USP35: variants seen among roughly 807,000 people sequenced by gnomAD.
The protein encoded by USP35 is ubiquitin carboxyl-terminal hydrolase 35.
USP35 carries 69 observed loss-of-function variants against 83.8 expected under a neutral mutation model. That is an observed-to-expected ratio of 0.82 (90% CI 0.68 to 1.01). USP35 has a LOEUF of 1.01. USP35 is among the 50% of genes least tolerant of loss of function. USP35 has a pLI of 0.00. For missense variants in USP35, 1,503 were observed against 1,362.5 expected (o/e 1.10, Z -1.62); for synonymous variants, 714 against 589.5 (o/e 1.21, Z -3.06).
chr11:78,190,601 G>C (rs756877405), intron 1 of USP35, among the ~76,000 whole-genome samples: 1 of 152,232 alleles, frequency 6.6e-6, no homozygotes, highest in Non-Finnish European at 1.5e-5. Context: ...CCTCTGCCAA[G>C]GGAGGTCCCA....
chr11:78,206,879 G>A (rs1325179407), intron 7 of USP35, among the ~76,000 whole-genome samples: 1 of 151,330 alleles, frequency 6.6e-6, no homozygotes, highest in East Asian at 2.0e-4. Context: ...GTGTAGGGAG[G>A]GGAGCTATCT....
chr11:78,226,448 CT>C, the USP35 span: 1 of 1,590,870 alleles, frequency 6.3e-7, no homozygotes, highest in South Asian at 1.1e-5. Flanking sequence ...TGAGTCTCAG[CT>C]AGGACTTATA....
chr11:78,197,848 C>A (rs1025933417), intron 2 of USP35, 88 bp from the exon 3 acceptor site: 11 of 1,508,836 alleles, frequency 7.3e-6, no homozygotes, highest in Non-Finnish European at 8.0e-6. Flanking sequence ...AGGCCCAGCC[C>A]GGTTCGTTGG....
At position 78,210,441 on chromosome 11, in the gene USP35, C is replaced by G; in HGVS notation, c.2586C>G (p.His862Gln). 6.2e-7 allele frequency: 1 copy of G among 1,614,232 alleles called. No homozygotes were observed. Among genetic ancestry groups the G allele is most frequent in the Non-Finnish European group, 8.5e-7 (1 of 1,180,048 alleles). ...VHSGVSSESGHYYCYAREGAA... is the reference protein window; with the variant it reads ...VHSGVSSESGQYYCYAREGAA... ...CTGGAGTGTCTTCGGAGAGTGGTCACTACTACTGCTATGCCCGTGAGGGCG... is the reference window on the plus strand; with the variant it reads ...CTGGAGTGTCTTCGGAGAGTGGTCAGTACTACTGCTATGCCCGTGAGGGCG... The change falls in exon 10 of 11, where the codon CAC becomes CAG. Residue 862 changes from histidine (H) to glutamine (Q), a missense_variant. Transcript: ENST00000529308.
chr11:78,189,551 T>A (rs1392617792), intron 1 of USP35, among the ~76,000 whole-genome samples: 1 of 152,146 alleles, frequency 6.6e-6, no homozygotes, highest in Non-Finnish European at 1.5e-5. Flanking sequence ...TTTCCTATTC[T>A]CAGTGTGCTG....
chr11:78,221,710 G>A, the USP35 span: 107 of 1,613,416 alleles, frequency 6.6e-5, no homozygotes, highest in Non-Finnish European at 8.4e-5. Context: ...TGTCTCCTGA[G>A]TCTGTGCTGG....
In USP35 at chr11:78,210,327, G is replaced by A; in HGVS notation, c.2472G>A (p.Leu824=). 1 of 1,613,158 alleles carries A rather than the reference G, an allele frequency of 6.2e-7. No individual in the cohort carries two copies. The highest frequency in any genetic ancestry group is 1.6e-4 in the Middle Eastern group (1 of 6,062). ...GCACCATGCGGCGCCGCAAGATCCT[G>A]GATGACGTCTCCATCCCCCTGCTGC... is the stretch of plus-strand genomic sequence containing the variant. The part of the protein sequence containing the change: ...DLRTMRRRKI[L]DDVSIPLLLR... The change falls in exon 10 of 11, where the codon CTG becomes CTA. Residue 824 remains leucine (L), a synonymous_variant. Transcript: ENST00000529308.
Position 78,214,370 on chromosome 11 carries a change from C to A in USP35, c.*557C>A, listed in dbSNP as rs1314837161. ...CCTGCCCCCTTACCAAGCGCCACTG[C>A]ATGGTTTTGGGGGGGGGGGCGGGGG... is the stretch of plus-strand genomic sequence containing the variant. On this transcript the variant is annotated 3_prime_UTR_variant, in exon 11 of 11. Transcript: ENST00000529308. The A allele has an allele frequency of 4.6e-5, 1 of 21,580 alleles. No homozygotes were observed. The highest frequency in any genetic ancestry group is 1.2e-4 in the Non-Finnish European group (1 of 8,488). The allele number at this position is 21,580 out of a possible 1,614,324, so 1.3% of individuals were successfully genotyped here. A position where few individuals can be genotyped will look rare whatever the true frequency, so the allele number is the denominator to read the frequency against.
At chr11:78,207,931 G>A (rs1161194504) in intron 8 of USP35, among the ~76,000 whole-genome samples, 1 of 152,194 alleles carries the variant, frequency 6.6e-6, no homozygotes, top group Non-Finnish European at 1.5e-5. Flanking sequence ...CTCGAGGCTT[G>A]GTGATTTATG....
Position 78,214,712 on chromosome 11 carries a change from G to GCTTGTTCTTCCT in USP35, c.*899_*900insCTTGTTCTTCCT, listed in dbSNP as rs1864025128. On this transcript the variant is annotated 3_prime_UTR_variant, in exon 11 of 11. Coordinates refer to ENST00000529308, the MANE Select transcript of USP35 (RefSeq NM_020798.4). The stretch of plus-strand genomic sequence containing the variant: ...TAAATAAAAGTAAGCCTAAGCAAGA[G>GCTTGTTCTTCCT]ATTGTTCTTCCTTGGACTCAGGGGC... 6.6e-6 allele frequency: 1 copy of GCTTGTTCTTCCT among 151,900 alleles called. No individual in the cohort carries two copies. Among genetic ancestry groups the GCTTGTTCTTCCT allele is most frequent in the Non-Finnish European group, 1.5e-5 (1 of 67,918 alleles). The allele number at this position is 151,900 out of a possible 1,614,324, so 9.4% of individuals were successfully genotyped here. A position where few individuals can be genotyped will look rare whatever the true frequency, so the allele number is the denominator to read the frequency against.
the USP35 span, chr11:78,226,419 T>G: frequency 2.8e-6 from 4 of 1,442,368 alleles, no homozygotes; most frequent in Non-Finnish European, 3.9e-6. Context: ...AGAACCCCTG[T>G]GTTACCTCCT....
the USP35 span, chr11:78,231,941 C>G: frequency 1.3e-5 from 2 of 152,214 alleles, no homozygotes; most frequent in Non-Finnish European, 2.9e-5. Context: ...TATCCTCTTG[C>G]ATTTGACCCA....
At position 78,201,161 on chromosome 11, in the gene USP35, G is replaced by A. The variant is rs115484843; in HGVS notation, c.1197+353G>A. On this transcript the variant is annotated intron_variant, in intron 6 of 10. Coordinates refer to ENST00000529308, the MANE Select transcript of USP35 (RefSeq NM_020798.4). ...CTCTGTTCTAGTGTTACTTCCCTCA[G>A]GATGCCTTTCCTGATCACTCTCAGT... Among the ~76,000 whole-genome samples the A allele has an allele frequency of 4.5e-3, 682 of 152,296 alleles. 3 individuals carry two copies. Among genetic ancestry groups the A allele is most frequent in the African/African-American group, 0.016 (659 of 41,542 alleles).
At chr11:78,197,527 C>T (rs1863190061) in intron 2 of USP35, among the ~76,000 whole-genome samples, 1 of 152,156 alleles carries the variant, frequency 6.6e-6, no homozygotes, top group Non-Finnish European at 1.5e-5. Context: ...GGGAATGCAC[C>T]TGGCAGGGTG....
At chr11:78,233,729 C>G in the USP35 span, among the ~76,000 whole-genome samples, 1 of 152,160 alleles carries the variant, frequency 6.6e-6, no homozygotes, top group Non-Finnish European at 1.5e-5. Flanking sequence ...GCCTCAGCCT[C>G]GCCAGTAGCT....
At chr11:78,205,248 ACTCT>A (rs914742853) in intron 6 of USP35, among the ~76,000 whole-genome samples, 2 of 152,196 alleles carry the variant, frequency 1.3e-5, no homozygotes, top group East Asian at 1.9e-4. Context: ...TGGGGAGGTG[ACTCT>A]CTCTTCTTGA....
chr11:78,206,218 C>G (rs1262227773), intron 7 of USP35, among the ~76,000 whole-genome samples, 183 bp downstream of exon 7: 1 of 152,184 alleles, frequency 6.6e-6, no homozygotes, highest in Non-Finnish European at 1.5e-5. Flanking sequence ...CAGGTCAGGA[C>G]TGGATGGGAA....
rs764362001 is a variant in USP35 at position 78,200,678 on chromosome 11, C to T, written c.1067C>T (p.Ala356Val). 3.5e-5 allele frequency: 57 copies of T among 1,613,028 alleles called. No homozygotes were observed. Among genetic ancestry groups the T allele is most frequent in the Non-Finnish European group, 4.8e-5 (57 of 1,179,402 alleles). Residue 356 changes from alanine (A) to valine (V), a missense_variant, in exon 6 of 11, where the codon GCC (alanine) becomes GTC (valine). Coordinates refer to ENST00000529308, the MANE Select transcript of USP35 (RefSeq NM_020798.4). Reference protein sequence around the residue: ...LLLPHIPPMVASLVKEDSNSG... With the variant: ...LLLPHIPPMVVSLVKEDSNSG... Reference sequence around the variant, plus strand: ...CTCCCTCACATCCCCCCCATGGTGGCCTCTCTGGTCAAGGAGGACTCGAAC... The same window carrying T: ...CTCCCTCACATCCCCCCCATGGTGGTCTCTCTGGTCAAGGAGGACTCGAAC...
At chr11:78,223,356 T>A in the USP35 span, 1 of 1,408,974 alleles carries the variant, frequency 7.1e-7, no homozygotes, top group Non-Finnish European at 9.4e-7. Flanking sequence ...CCTAAGCAAA[T>A]GGAAAGAGTC....
Sources: gnomAD v4.1 joint callset for allele counts (sites outside exome capture counted in the v4.1 genomes callset) on GRCh38, gnomAD v4.1.1 for gene constraint, MANE v1.5 for transcripts, NCBI Gene and HGNC (gene_info 2026-07-23, HGNC 2026-07-21) for gene names.